The following PRKN variants were observed in gnomAD, a reference collection of about 807,000 sequenced individuals.
The protein encoded by PRKN is E3 ubiquitin-protein ligase parkin.
Under a neutral mutation model 59.5 loss-of-function variants are expected in PRKN, and 56 were observed. The ratio of observed to expected loss-of-function variants is 0.94; its 90% CI spans 0.76 to 1.18. The LOEUF is 1.18. Among genes scored for constraint, PRKN ranks in the 50% most tolerant of loss-of-function variants. PRKN has a pLI of 0.00. For synonymous variants in PRKN, 250 were observed against 222.1 expected, an observed-to-expected ratio of 1.13 and a Z score of -1.12; for missense variants, 657 against 596.4, an observed-to-expected ratio of 1.10 and a Z score of -1.06.
At chr6:161,817,259 T>A (rs1341787627) in intron 6 of PRKN, among the ~76,000 whole-genome samples, 1 of 152,222 alleles carries the variant, frequency 6.6e-6, no homozygotes, top group Non-Finnish European at 1.5e-5. Context: ...TGGGCATGAA[T>A]CCTGTCTCGA....
rs532243452 is a variant in PRKN at position 161,361,787 on chromosome 6, G to GTA, written c.1168-1584_1168-1583dup. ...TGGAGTCAGCTGCTCGGAGGCAACG[G>GTA]TAGGTCAATGAGTGCTTCCTTTGCT... is the stretch of plus-strand genomic sequence containing the variant. On this transcript the variant is annotated intron_variant, in intron 10 of 11. Coordinates refer to ENST00000366898, the MANE Select transcript of PRKN (RefSeq NM_004562.3). The surrounding 1 kb of genome is among the most constrained non-coding windows in gnomAD (Gnocchi z 5.2). 5.9e-5 allele frequency among the ~76,000 whole-genome samples: 9 copies of GTA among 152,328 alleles called. No homozygotes were observed. Among genetic ancestry groups the GTA allele is most frequent in the Admixed American group, 2.0e-4 (3 of 15,302 alleles).
chr6:162,276,172 A>G (rs1021154845), intron 2 of PRKN, among the ~76,000 whole-genome samples: 4 of 152,184 alleles, frequency 2.6e-5, no homozygotes, highest in East Asian at 1.9e-4. Context: ...GATATTTCCC[A>G]TTCAAACCGA....
rs1778004026 is a variant in PRKN at position 161,502,641 on chromosome 6, G to A, written c.1083+46213C>T. On this transcript the variant is annotated intron_variant, in intron 9 of 11. Coordinates refer to ENST00000366898, the MANE Select transcript of PRKN (RefSeq NM_004562.3). The surrounding 1 kb of genome is among the most constrained non-coding windows in gnomAD (Gnocchi z 4.0). ...GTAACAAGCAGGGAAGAGAGAAATG[G>A]GGGATTTGGGAGTAGCAACCTCTGG... 6.6e-6 allele frequency among the ~76,000 whole-genome samples: 1 copy of A among 152,126 alleles called. No individual in the cohort carries two copies. Among genetic ancestry groups the A allele is most frequent in the Admixed American group, 6.5e-5 (1 of 15,270 alleles).
intron 2 of PRKN, among the ~76,000 whole-genome samples, chr6:162,309,640 T>C (rs1389817631): frequency 3.5e-5 from 5 of 142,788 alleles, no homozygotes; most frequent in Non-Finnish European, 1.5e-5. Context: ...GCGTAAGCTG[T>C]ATGGAAAAAG....
At chr6:162,213,696 C>A (rs944720612) in intron 3 of PRKN, among the ~76,000 whole-genome samples, 1 of 151,870 alleles carries the variant, frequency 6.6e-6, no homozygotes, top group Admixed American at 6.6e-5. Flanking sequence ...CATGGTGTCA[C>A]TGCACTTCAG....
intron 9 of PRKN, among the ~76,000 whole-genome samples, chr6:161,506,463 C>T (rs952041133): frequency 6.6e-6 from 1 of 152,192 alleles, no homozygotes; most frequent in African/African-American, 2.4e-5. Context: ...ACAATCATGT[C>T]ATCTGCAAAC....
rs187561797 is a variant in PRKN at position 162,205,587 on chromosome 6, T to C, written c.413-4335A>G. Among the ~76,000 whole-genome samples the C allele has an allele frequency of 6.6e-5, 10 of 152,288 alleles. No individual in the cohort carries two copies. In the East Asian group the frequency reaches 1.9e-3, roughly 29 times the overall value. On this transcript the variant is annotated intron_variant, in intron 3 of 11. Transcript: ENST00000366898. ...TAAAATACTGTTCAGTATCAACATA[T>C]TGTAACAGAGCAAAACAGCAGGAAC... is the stretch of plus-strand genomic sequence containing the variant.
chr6:161,455,861 C>CAA (rs60382394), intron 9 of PRKN, among the ~76,000 whole-genome samples: 908 of 72,750 alleles, frequency 0.012, 13 homozygotes, highest in African/African-American at 0.04. Context: ...GACTCCGTCT[C>CAA]AAAAAAAAAA....
At chr6:162,399,605 T>C (rs1230256416) in intron 2 of PRKN, among the ~76,000 whole-genome samples, 1 of 151,986 alleles carries the variant, frequency 6.6e-6, no homozygotes, top group Non-Finnish European at 1.5e-5. Context: ...AAAAGTCTAT[T>C]TATAGACTAA....
chr6:161,665,689 G>A (rs973238339), intron 7 of PRKN, among the ~76,000 whole-genome samples: 6 of 152,080 alleles, frequency 3.9e-5, no homozygotes, highest in African/African-American at 1.4e-4. Flanking sequence ...AACATTTTAG[G>A]TCAAGGTGGC....
chr6:161,796,869 G>A (rs190841309), intron 6 of PRKN, among the ~76,000 whole-genome samples: 1 of 152,312 alleles, frequency 6.6e-6, no homozygotes, highest in East Asian at 1.9e-4. Context: ...CACATATCTT[G>A]TCTTTGTTTT....
intron 6 of PRKN, among the ~76,000 whole-genome samples, chr6:161,905,140 C>T (rs1054868547): frequency 6.6e-5 from 10 of 152,072 alleles, no homozygotes; most frequent in Admixed American, 5.9e-4. Context: ...TCAACTATAC[C>T]ATTATTGTTA....
chr6:162,350,915 A>C (rs549995606), intron 2 of PRKN, among the ~76,000 whole-genome samples: 22 of 152,340 alleles, frequency 1.4e-4, no homozygotes, highest in Non-Finnish European at 2.1e-4. Flanking sequence ...TTTGCAAGTT[A>C]TATATCTGAT....
chr6:162,706,673 T>TA (rs1778351503), intron 1 of PRKN, among the ~76,000 whole-genome samples: 1 of 152,228 alleles, frequency 6.6e-6, no homozygotes, highest in South Asian at 2.1e-4. Context: ...ATAGTGTCAC[T>TA]AGAGGTTGTA....
At chr6:162,517,265 T>G (rs1777901041) in intron 1 of PRKN, among the ~76,000 whole-genome samples, 1 of 150,212 alleles carries the variant, frequency 6.7e-6, no homozygotes, top group South Asian at 2.1e-4. Flanking sequence ...TTTTTTTTTT[T>G]GAGACGGAGT....
intron 6 of PRKN, among the ~76,000 whole-genome samples, chr6:161,836,801 G>A (rs1792775300): frequency 6.6e-6 from 1 of 152,056 alleles, no homozygotes; most frequent in Non-Finnish European, 1.5e-5. Context: ...CCGGGGAGAG[G>A]GACTCCACTT....
intron 1 of PRKN, among the ~76,000 whole-genome samples, chr6:162,475,553 ATGTGTATGCATG>A (rs1478533604): frequency 6.7e-6 from 1 of 149,562 alleles, no homozygotes; most frequent in African/African-American, 2.5e-5. Flanking sequence ...ATGTGTGTGC[ATGTGTATGCATG>A]TGAGTGTGTG....
At chr6:162,668,612 C>T (rs1779197071) in intron 1 of PRKN, among the ~76,000 whole-genome samples, 1 of 152,006 alleles carries the variant, frequency 6.6e-6, no homozygotes, top group East Asian at 1.9e-4. Flanking sequence ...GCAGAACCAT[C>T]CACGGTCAGA....
At chr6:162,714,374 T>C (rs1460115946) in intron 1 of PRKN, among the ~76,000 whole-genome samples, 1 of 152,114 alleles carries the variant, frequency 6.6e-6, no homozygotes, top group African/African-American at 2.4e-5. Context: ...GGGACACTGG[T>C]GACAGGGAGG....
Sources: gnomAD v4.1 joint callset for allele counts (sites outside exome capture counted in the v4.1 genomes callset) on GRCh38, gnomAD v4.1.1 for gene constraint, Gnocchi (gnomAD v3.1) non-coding constraint, MANE v1.5 for transcripts, NCBI Gene and HGNC (gene_info 2026-07-23, HGNC 2026-07-21) for gene names.